The following DLG2 variants were observed in gnomAD, a reference collection of about 807,000 sequenced individuals.
DLG2 encodes the protein discs large MAGUK scaffold protein 2, also known as disks large homolog 2.
Under a neutral mutation model 132.5 loss-of-function variants are expected in DLG2, and 45 were observed. The observed-to-expected ratio is 0.34, with a 90% confidence interval of 0.27 to 0.44. The LOEUF is 0.44. Ranked by LOEUF, DLG2 falls within the 20% of genes least tolerant of loss-of-function variation. The probability of loss-of-function intolerance (pLI) is 1.00; values close to 1 mark genes in which losing one functional copy is unlikely to be tolerated. For missense variants in DLG2, 1,045 were observed against 1,196.9 expected, an observed-to-expected ratio of 0.87 and a Z score of 1.87; for synonymous variants, 424 against 419.6, an observed-to-expected ratio of 1.01 and a Z score of -0.13.
intron 12 of DLG2, among the ~76,000 whole-genome samples, chr11:83,966,430 G>C (rs1439238390): frequency 6.6e-6 from 1 of 151,940 alleles, no homozygotes; most frequent in East Asian, 1.9e-4. Flanking sequence ...TTATTGCATG[G>C]AAAAGCCTGT....
At chr11:85,441,649 T>C (rs2091782113) in intron 3 of DLG2, among the ~76,000 whole-genome samples, 1 of 152,122 alleles carries the variant, frequency 6.6e-6, no homozygotes, top group South Asian at 2.1e-4. Flanking sequence ...CTTTATAGCT[T>C]TCACAAAAAG....
intron 6 of DLG2, chr11:84,800,682 T>A (rs1241744311): frequency 6.6e-6 from 1 of 152,164 alleles, no homozygotes; most frequent in African/African-American, 2.4e-5. Context: ...GATGAGTAAA[T>A]AAAAAGACTT....
intron 18 of DLG2, among the ~76,000 whole-genome samples, chr11:83,730,956 G>A (rs981058943): frequency 7.2e-5 from 11 of 152,112 alleles, no homozygotes; most frequent in Non-Finnish European, 1.6e-4. Context: ...TTTAGATGAT[G>A]AAACAGAAAT....
intron 9 of DLG2, among the ~76,000 whole-genome samples, chr11:84,141,077 T>C (rs2094823282): frequency 6.6e-6 from 1 of 152,102 alleles, no homozygotes; most frequent in Non-Finnish European, 1.5e-5. Flanking sequence ...GAATATAAGG[T>C]CCAAACTTCA....
At chr11:84,209,667 C>T (rs539443393) in intron 8 of DLG2, among the ~76,000 whole-genome samples, 17 of 151,694 alleles carry the variant, frequency 1.1e-4, no homozygotes, top group Admixed American at 9.8e-4. Flanking sequence ...TGGACCAACA[C>T]TTAGCAAGAT....
At chr11:85,102,776 C>A (rs2071084382) in intron 6 of DLG2, among the ~76,000 whole-genome samples, 1 of 151,770 alleles carries the variant, frequency 6.6e-6, no homozygotes, top group Non-Finnish European at 1.5e-5. Flanking sequence ...CTAGCCACAT[C>A]AATTGGGCAA....
At chr11:84,597,452 A>C (rs564134710) in intron 6 of DLG2, among the ~76,000 whole-genome samples, 5 of 152,170 alleles carry the variant, frequency 3.3e-5, no homozygotes, top group Non-Finnish European at 4.4e-5. Flanking sequence ...AGAATCCAAA[A>C]ATTATGTCAA....
chr11:85,389,483 C>T (rs986766135), intron 3 of DLG2, among the ~76,000 whole-genome samples: 2 of 152,070 alleles, frequency 1.3e-5, no homozygotes, highest in African/African-American at 2.4e-5. Context: ...GAGATCTAGA[C>T]ATTCAAATAC....
intron 4 of DLG2, among the ~76,000 whole-genome samples, chr11:85,236,122 A>G (rs1355850969): frequency 6.6e-6 from 1 of 151,964 alleles, no homozygotes; most frequent in African/African-American, 2.4e-5. Flanking sequence ...TCTTCACAAC[A>G]AACTATAAGG....
chr11:85,007,678 AAAAAAAAAAAAAG>A (rs1477147685), intron 6 of DLG2, among the ~76,000 whole-genome samples: 10 of 150,574 alleles, frequency 6.6e-5, no homozygotes, highest in East Asian at 3.9e-4. Flanking sequence ...AAAAAAAAAA[AAAAAAAAAAAAAG>A]AAAAGAAAAG....
chr11:84,617,872 C>T (rs1392939223), intron 6 of DLG2, among the ~76,000 whole-genome samples: 2 of 152,038 alleles, frequency 1.3e-5, no homozygotes, highest in Non-Finnish European at 2.9e-5. Flanking sequence ...CAAAAGCAGC[C>T]TTTGCCCTAA....
At chr11:85,417,842 A>G (rs931019936) in intron 3 of DLG2, among the ~76,000 whole-genome samples, 1 of 151,806 alleles carries the variant, frequency 6.6e-6, no homozygotes, top group South Asian at 2.1e-4. Context: ...TTTCTTCTTT[A>G]TTAGTCTGGC....
At chr11:85,523,882 T>C (rs1207239555) in intron 3 of DLG2, among the ~76,000 whole-genome samples, 1 of 152,136 alleles carries the variant, frequency 6.6e-6, no homozygotes, top group Non-Finnish European at 1.5e-5. Context: ...ATATACACAA[T>C]GGAGTACTAT....
At chr11:83,492,819 C>G (rs2093933214) in intron 21 of DLG2, among the ~76,000 whole-genome samples, 1 of 152,102 alleles carries the variant, frequency 6.6e-6, no homozygotes, top group Non-Finnish European at 1.5e-5. Context: ...CAAGTCACCA[C>G]CATCTCTTGC....
chr11:85,296,059 A>G (rs886924419), intron 3 of DLG2, among the ~76,000 whole-genome samples: 1 of 152,194 alleles, frequency 6.6e-6, no homozygotes, highest in African/African-American at 2.4e-5. Context: ...CAGAGTATTC[A>G]ATAAATATTA....
At chr11:83,526,061 A>G (rs2140801633) in intron 21 of DLG2, among the ~76,000 whole-genome samples, 1 of 152,316 alleles carries the variant, frequency 6.6e-6, no homozygotes, top group Non-Finnish European at 1.5e-5. Flanking sequence ...AGATTTCTCA[A>G]TGCCAGCTGC....
chr11:85,055,739 G>T (rs1285662321), intron 6 of DLG2, among the ~76,000 whole-genome samples: 1 of 152,158 alleles, frequency 6.6e-6, no homozygotes, highest in African/African-American at 2.4e-5. Flanking sequence ...GGAAGTCTCT[G>T]AGAAGCTAAG....
intron 6 of DLG2, among the ~76,000 whole-genome samples, chr11:84,692,436 A>T (rs1426778130): frequency 6.6e-6 from 1 of 151,656 alleles, no homozygotes; most frequent in Non-Finnish European, 1.5e-5. Flanking sequence ...TGCCTATAAA[A>T]ACAGATCCTC....
intron 18 of DLG2, among the ~76,000 whole-genome samples, chr11:83,715,099 A>G (rs865964571): frequency 4.8e-4 from 73 of 152,136 alleles, no homozygotes; most frequent in African/African-American, 1.7e-3. Context: ...GGATGAGTTC[A>G]TGTCCTTGCA....
Sources: allele counts gnomAD v4.1 joint callset (sites outside exome capture counted in the v4.1 genomes callset), GRCh38; gene constraint gnomAD v4.1.1; transcripts MANE v1.5; gene names NCBI Gene and HGNC (gene_info 2026-07-23, HGNC 2026-07-21).